Variants in ARV1 observed in about 807,000 individuals in gnomAD.
The protein encoded by ARV1 is protein ARV1.
In ARV1, 26 loss-of-function variants were observed where a neutral mutation model predicts 31.1. The ratio of observed to expected loss-of-function variants is 0.84; its 90% CI spans 0.61 to 1.16. ARV1 has a LOEUF of 1.16. Ranked by LOEUF, ARV1 falls within the 50% of genes most tolerant of loss-of-function variation. The probability of loss-of-function intolerance (pLI) is 0.00; values close to 1 mark genes in which losing one functional copy is unlikely to be tolerated. For missense variants in ARV1, 281 were observed against 324.9 expected (o/e 0.86, Z 1.04); for synonymous variants, 117 against 123.2 (o/e 0.95, Z 0.34).
At chr1:230,990,632 G>A in intron 3 of ARV1, 1 of 355,158 alleles carries the variant, frequency 2.8e-6, no homozygotes, top group Non-Finnish European at 5.7e-6. Flanking sequence ...ACAGCTCACT[G>A]CAGCCCTGAA....
At chr1:230,982,054 T>G (rs1678925023) in intron 1 of ARV1, among the ~76,000 whole-genome samples, 1 of 152,266 alleles carries the variant, frequency 6.6e-6, no homozygotes, top group Non-Finnish European at 1.5e-5. Flanking sequence ...GACTTAATGT[T>G]GTGTGTCTTC....
chr1:230,997,368 T>C, intron 5 of ARV1, 101 bp downstream of exon 5: 1 of 1,391,042 alleles, frequency 7.2e-7, no homozygotes, highest in South Asian at 1.3e-5. Context: ...TAACCCATTC[T>C]CTAGCGTCTA....
intron 3 of ARV1, among the ~76,000 whole-genome samples, chr1:230,995,456 T>C (rs1234399104): frequency 6.6e-6 from 1 of 152,144 alleles, no homozygotes; most frequent in African/African-American, 2.4e-5. Flanking sequence ...TTAAGCAGAA[T>C]CTTACTTCCT....
At chr1:230,979,630 C>G (rs78129525) in intron 1 of ARV1, 9,689 of 278,224 alleles carry the variant, frequency 0.035, 268 homozygotes, top group Middle Eastern at 0.094. Context: ...GAGATGGTAC[C>G]ATCCTTACCC....
intron 2 of ARV1, 145 bp from the exon 3 acceptor site, chr1:230,989,965 C>T: frequency 1.2e-6 from 1 of 803,972 alleles, no homozygotes; most frequent in South Asian, 2.0e-5. Flanking sequence ...TCACTGATTA[C>T]AAAATGACTA....
chr1:230,981,560 C>T (rs1572333614), intron 1 of ARV1, among the ~76,000 whole-genome samples: 2 of 152,208 alleles, frequency 1.3e-5, no homozygotes, highest in South Asian at 2.1e-4. Context: ...AATCCTCATC[C>T]AAGCCACCAT....
intron 2 of ARV1, 108 bp downstream of exon 2, chr1:230,988,547 A>T: frequency 6.0e-6 from 6 of 1,003,654 alleles, no homozygotes; most frequent in Non-Finnish European, 8.3e-6. Context: ...GAGGAAAAGA[A>T]ATTCTAATGT....
chr1:230,989,513 A>G (rs1340650671), intron 2 of ARV1, among the ~76,000 whole-genome samples: 2 of 152,204 alleles, frequency 1.3e-5, no homozygotes, highest in Admixed American at 1.3e-4. Context: ...TTTGTTGCCT[A>G]GTATTTTTTA....
At chr1:230,997,328 G>A in intron 5 of ARV1, 61 bp downstream of exon 5, 5 of 1,566,220 alleles carry the variant, frequency 3.2e-6, no homozygotes, top group Non-Finnish European at 4.4e-6. Flanking sequence ...TAAGACAGAT[G>A]TCATTGTAAA....
chr1:230,984,703 GA>G (rs1558241794), intron 1 of ARV1, among the ~76,000 whole-genome samples: 1 of 152,162 alleles, frequency 6.6e-6, no homozygotes, highest in African/African-American at 2.4e-5. Flanking sequence ...AAACATGCAA[GA>G]ATCAAAAGAA....
intron 3 of ARV1, among the ~76,000 whole-genome samples, chr1:230,992,613 A>C (rs1438822930): frequency 6.6e-6 from 1 of 152,256 alleles, no homozygotes; most frequent in Non-Finnish European, 1.5e-5. Flanking sequence ...CCAGGTGCTT[A>C]ATAAATATTT....
At chr1:230,997,309 C>A in intron 5 of ARV1, 42 bp downstream of exon 5, 1 of 1,595,086 alleles carries the variant, frequency 6.3e-7, no homozygotes, top group South Asian at 1.1e-5. Context: ...GACATGTAGC[C>A]TTCTCAAATA....
rs1162209283 is a variant in ARV1 at position 230,986,668 on chromosome 1, ATTTTTTTTTTTTTTTT to A, written c.175-1629_175-1614del. ...CACCCACAAATGTAATACTTTTCCT[ATTTTTTTTTTTTTTTT>A]TTTTTTTTTTTTTTTTTTTTTTGAG... On this transcript the variant is annotated intron_variant, in intron 1 of 5. Coordinates refer to ENST00000310256, the MANE Select transcript of ARV1 (RefSeq NM_022786.3). Among the ~76,000 whole-genome samples the A allele has an allele frequency of 5.5e-3, 342 of 62,354 alleles. 1 individual carries two copies. The highest frequency in any genetic ancestry group is 0.029 in the Middle Eastern group (2 of 70). 40.9% of individuals were successfully genotyped at this position (62,354 alleles called of 152,430 possible). A position where few individuals can be genotyped will look rare whatever the true frequency, so the allele number is the denominator to read the frequency against.
At chr1:230,996,097 G>A (rs1050785607) in intron 4 of ARV1, 113 bp downstream of exon 4, 27 of 789,942 alleles carry the variant, frequency 3.4e-5, no homozygotes, top group Admixed American at 5.3e-5. Flanking sequence ...ATTCTTCATC[G>A]CATAGTAATA....
chr1:230,980,625 C>T (rs1678865393), intron 1 of ARV1, among the ~76,000 whole-genome samples: 1 of 152,122 alleles, frequency 6.6e-6, no homozygotes, highest in Non-Finnish European at 1.5e-5. Flanking sequence ...TGAGCCACTG[C>T]GAAAACAGAA....
intron 5 of ARV1, among the ~76,000 whole-genome samples, chr1:230,999,060 C>A (rs1235024350): frequency 6.6e-6 from 1 of 152,202 alleles, no homozygotes; most frequent in Non-Finnish European, 1.5e-5. Context: ...TCACTGACTT[C>A]TTTGCCTGTG....
intron 3 of ARV1, among the ~76,000 whole-genome samples, chr1:230,994,233 G>C (rs1419203740): frequency 3.9e-5 from 6 of 152,326 alleles, no homozygotes; most frequent in Non-Finnish European, 7.3e-5. Flanking sequence ...AAAAGATGTG[G>C]AGGTTATCTA....
At chr1:230,981,770 G>A (rs896870404) in intron 1 of ARV1, among the ~76,000 whole-genome samples, 8 of 152,160 alleles carry the variant, frequency 5.3e-5, no homozygotes, top group African/African-American at 1.9e-4. Flanking sequence ...TGGCTTATAA[G>A]GCCCTATGGA....
At chr1:230,991,432 A>G (rs1438161045) in intron 3 of ARV1, among the ~76,000 whole-genome samples, 3 of 152,098 alleles carry the variant, frequency 2.0e-5, no homozygotes, top group Non-Finnish European at 4.4e-5. Flanking sequence ...CCACTTGGAT[A>G]TCTAATAAAT....
Sources: gnomAD v4.1 joint callset for allele counts (sites outside exome capture counted in the v4.1 genomes callset) on GRCh38, gnomAD v4.1.1 for gene constraint, MANE v1.5 for transcripts, NCBI Gene and HGNC (gene_info 2026-07-23, HGNC 2026-07-21) for gene names.